The following TMEM164 variants were observed in gnomAD, a reference collection of about 807,000 sequenced individuals.
TMEM164 encodes transmembrane protein 164.
TMEM164 carries 4 observed loss-of-function variants against 18.8 expected under a neutral mutation model. The ratio of observed to expected loss-of-function variants is 0.21; its 90% confidence interval spans 0.10 to 0.49. The LOEUF (loss-of-function observed/expected upper bound fraction) is 0.49. Among genes scored for constraint, TMEM164 ranks in the 20% least tolerant of loss-of-function variants. TMEM164 has a pLI of 0.98. For synonymous variants in TMEM164, 86 were observed against 101.7 expected (o/e 0.85, Z 0.93); for missense variants, 108 against 239.9 (o/e 0.45, Z 3.63).
chrX:110,181,861 A>C (rs2067324996), downstream of TMEM164, among the ~76,000 whole-genome samples: 1 of 112,315 alleles, frequency 8.9e-6, no homozygotes, highest in African/African-American at 3.2e-5. Flanking sequence ...TTTGGTTACT[A>C]TGCTTGTTCC....
chrX:110,088,257 C>T (rs1487688379), intron 3 of TMEM164, among the ~76,000 whole-genome samples: 1 of 111,806 alleles, frequency 8.9e-6, no homozygotes, highest in Non-Finnish European at 1.9e-5. Flanking sequence ...TCAGTACCCC[C>T]TTTCCCAGTG....
intron 2 of TMEM164, among the ~76,000 whole-genome samples, chrX:110,039,421 G>A (rs193103418): frequency 5.1e-4 from 57 of 112,627 alleles, no homozygotes; most frequent in Non-Finnish European, 9.9e-4. Context: ...CTCGAGAGCT[G>A]GATGAGTAAG....
chrX:110,024,546 T>C (rs921724450), intron 2 of TMEM164, among the ~76,000 whole-genome samples: 2 of 112,144 alleles, frequency 1.8e-5, no homozygotes, highest in Non-Finnish European at 3.8e-5. Context: ...AGTCCTGGGA[T>C]TACTGTTGTG....
intron 2 of TMEM164, chrX:110,055,191 G>A (rs1296776891): frequency 3.2e-6 from 1 of 313,712 alleles, no homozygotes; most frequent in Non-Finnish European, 6.4e-6. Flanking sequence ...CTATGGCCAT[G>A]CTATTCTCTT....
At chrX:110,056,964 C>A (rs1374512448) in intron 2 of TMEM164, among the ~76,000 whole-genome samples, 1 of 109,626 alleles carries the variant, frequency 9.1e-6, no homozygotes. Flanking sequence ...TGGAAATCAC[C>A]ACAATCAAGA....
chrX:110,096,675 C>T (rs2066024994), intron 3 of TMEM164, among the ~76,000 whole-genome samples: 1 of 112,169 alleles, frequency 8.9e-6, no homozygotes, highest in African/African-American at 3.2e-5. Flanking sequence ...GCTCATGCTT[C>T]ATGGGCTGCA....
upstream of TMEM164, chrX:110,002,921 T>TCCCGCCCTCCCGCCC (rs747959301): frequency 9.2e-6 from 1 of 108,744 alleles, no homozygotes; most frequent in African/African-American, 3.4e-5. Flanking sequence ...GCCTCCCGCC[T>TCCCGCCCTCCCGCCC]TCCCTCTGGC....
intron 3 of TMEM164, among the ~76,000 whole-genome samples, chrX:110,075,794 T>A (rs1477600587): frequency 1.8e-5 from 2 of 112,065 alleles, no homozygotes; most frequent in Non-Finnish European, 3.8e-5. Context: ...CAACTTTGCA[T>A]CCCAGAAATG....
intron 2 of TMEM164, among the ~76,000 whole-genome samples, chrX:110,022,211 G>C (rs913153228): frequency 8.9e-6 from 1 of 111,809 alleles, no homozygotes; most frequent in Non-Finnish European, 1.9e-5. Flanking sequence ...GTGTGTGTGT[G>C]TGTGTGTGTA....
intron 2 of TMEM164, among the ~76,000 whole-genome samples, chrX:110,043,543 G>A (rs1935184709): frequency 8.9e-6 from 1 of 111,759 alleles, no homozygotes; most frequent in Non-Finnish European, 1.9e-5. Context: ...TAACCCCAGG[G>A]ATGCTTCTGT....
chrX:110,131,761 T>C (rs1006820421), intron 4 of TMEM164, among the ~76,000 whole-genome samples: 1 of 112,194 alleles, frequency 8.9e-6, no homozygotes, highest in African/African-American at 3.2e-5. Flanking sequence ...CTTTCCCTTA[T>C]TGAGTAAAAA....
intron 2 of TMEM164, among the ~76,000 whole-genome samples, chrX:110,056,491 G>A (rs1447413175): frequency 1.8e-5 from 2 of 112,141 alleles, no homozygotes; most frequent in African/African-American, 6.5e-5. Context: ...GTGAACATCT[G>A]TAAGTTTTCA....
chrX:110,034,495 A>T (rs921929314), intron 2 of TMEM164, among the ~76,000 whole-genome samples: 3 of 112,737 alleles, frequency 2.7e-5, no homozygotes, highest in Non-Finnish European at 5.6e-5. Flanking sequence ...ATTGAAGCAC[A>T]AAAGCAGCTA....
chrX:110,072,116 C>G (rs2065601392), intron 3 of TMEM164, among the ~76,000 whole-genome samples: 1 of 108,107 alleles, frequency 9.3e-6, no homozygotes, highest in Admixed American at 1.0e-4. Context: ...GCCTTACCAA[C>G]ATGGTGAAAC....
chrX:110,144,830 G>A lies in TMEM164; in HGVS notation c.540G>A (p.Gln180=). The A allele has an allele frequency of 8.3e-7, 1 of 1,208,088 alleles. No homozygotes were observed. The highest frequency in any genetic ancestry group is 1.8e-5 in the South Asian group (1 of 56,526). Residue 180 remains glutamine, a synonymous_variant, in exon 5 of 7, where the codon CAG becomes CAA. Coordinates refer to ENST00000372068, the MANE Select transcript of TMEM164 (RefSeq NM_032227.4). The stretch of plus-strand genomic sequence containing the variant: ...TTGAATTGGAGATTTACTACATTCA[G>A]CATGTTATGCTCTACGTGGTACCCA... ...LPFELEIYYI[Q]HVMLYVVPIY...
rs770634472 is a variant in TMEM164 at position 110,144,498 on chromosome X, T to C, written c.508-300T>C. 1.2e-4 allele frequency among the ~76,000 whole-genome samples: 13 copies of C among 111,756 alleles called. No homozygotes were observed. The South Asian group carries it at 4.9e-3, about 42-fold the overall frequency. On this transcript the variant is annotated intron_variant, in intron 4 of 6. Transcript: ENST00000372068. ...GTCCTTCATATTCCAATAATACACATGGGAAACCACCAAGGGGATATATTA... is the reference window on the plus strand; with the variant it reads ...GTCCTTCATATTCCAATAATACACACGGGAAACCACCAAGGGGATATATTA...
At chrX:110,048,877 G>A (rs889742164) in intron 2 of TMEM164, among the ~76,000 whole-genome samples, 1 of 111,402 alleles carries the variant, frequency 9.0e-6, no homozygotes, top group Non-Finnish European at 1.9e-5. Flanking sequence ...CGCTGCTTAC[G>A]GAATTTAGAC....
At chrX:110,160,609 G>A (rs1248191047) in intron 5 of TMEM164, among the ~76,000 whole-genome samples, 1 of 112,064 alleles carries the variant, frequency 8.9e-6, no homozygotes. Context: ...GGTGCAGGGG[G>A]TGGGGTGGAG....
intron 5 of TMEM164, among the ~76,000 whole-genome samples, chrX:110,156,978 T>C (rs1193774292): frequency 8.9e-6 from 1 of 111,987 alleles, no homozygotes; most frequent in Non-Finnish European, 1.9e-5. Context: ...GAGGTGCTTA[T>C]AGGCTATCTA....
Sources: gnomAD v4.1 joint callset for allele counts (sites outside exome capture counted in the v4.1 genomes callset) on GRCh38, gnomAD v4.1.1 for gene constraint, MANE v1.5 for transcripts, NCBI Gene and HGNC (gene_info 2026-07-23, HGNC 2026-07-21) for gene names.